SLC1A2: variants seen among roughly 807,000 people sequenced by gnomAD.
SLC1A2 encodes the protein excitatory amino acid transporter 2.
In SLC1A2, 15 loss-of-function variants were observed where a neutral mutation model predicts 48.8. The ratio of observed to expected loss-of-function variants is 0.31; its 90% CI spans 0.21 to 0.47. The LOEUF (loss-of-function observed/expected upper bound fraction) is 0.47, where lower values mean the gene tolerates loss of function less well. Among genes scored for constraint, SLC1A2 ranks in the 20% least tolerant of loss-of-function variants. The pLI, the probability that SLC1A2 is intolerant of heterozygous loss-of-function variation, is 0.99. For synonymous variants in SLC1A2, 279 were observed against 272.6 expected (o/e 1.02, Z -0.23); for missense variants, 502 against 730.5 (o/e 0.69, Z 3.61).
At chr11:35,322,730 C>T in intron 1 of SLC1A2, 1 of 1,017,986 alleles carries the variant, frequency 9.8e-7, no homozygotes, top group East Asian at 2.6e-5. Context: ...TCCCGTAAGA[C>T]AGTTGTTGTA....
chr11:35,332,630 A>G (rs1321066583), intron 1 of SLC1A2, among the ~76,000 whole-genome samples: 1 of 152,162 alleles, frequency 6.6e-6, no homozygotes, highest in Non-Finnish European at 1.5e-5. Context: ...GGACTCAAAT[A>G]TATTCTAGGG....
Position 35,255,189 on chromosome 11 carries a change from G to A in SLC1A2, c.*5705C>T, listed in dbSNP as rs1016131733. ...AATACCAACACTACTCTATTTAGCA[G>A]AAGTTTGGACAAACAGCAGAGGTGT... On this transcript the variant is annotated 3_prime_UTR_variant, in exon 11 of 11. Transcript: ENST00000278379. 1.5e-5 allele frequency: 3 copies of A among 203,022 alleles called. No individual in the cohort carries two copies. The highest frequency in any genetic ancestry group is 7.1e-5 in the African/African-American group (3 of 42,246). 12.6% of individuals were successfully genotyped at this position (203,022 alleles called of 1,614,324 possible). A position where few individuals can be genotyped will look rare whatever the true frequency, so the allele number is the denominator to read the frequency against.
At chr11:35,280,650 C>T (rs1850598584) in intron 9 of SLC1A2, 1 of 482,232 alleles carries the variant, frequency 2.1e-6, no homozygotes, top group Non-Finnish European at 3.7e-6. Flanking sequence ...CATAATCTCT[C>T]TGATTCCTCC....
At chr11:35,358,285 G>A (rs1807131984) in intron 1 of SLC1A2, among the ~76,000 whole-genome samples, 1 of 152,152 alleles carries the variant, frequency 6.6e-6, no homozygotes, top group South Asian at 2.1e-4. Flanking sequence ...GAAATTGCAG[G>A]TGATTTTTTT....
chr11:35,335,098 A>G (rs2135004991), intron 1 of SLC1A2, among the ~76,000 whole-genome samples: 1 of 152,194 alleles, frequency 6.6e-6, no homozygotes, highest in Non-Finnish European at 1.5e-5. Context: ...ATTCTTCAAT[A>G]TTTCTTTATT....
chr11:35,332,471 T>G lies in SLC1A2; in HGVS notation c.18-14955A>C, dbSNP rs145007145. 4.5e-3 allele frequency among the ~76,000 whole-genome samples: 681 copies of G among 152,384 alleles called. 7 individuals carry two copies. The highest frequency in any genetic ancestry group is 0.016 in the African/African-American group (661 of 41,588). On this transcript the variant is annotated intron_variant, in intron 1 of 10. Transcript: ENST00000278379. Reference sequence around the variant, plus strand: ...ACATCAAAGCAAGGAACATGTCCTGTTTTTATTTGAATCCTCTATATAATG... The same window carrying G: ...ACATCAAAGCAAGGAACATGTCCTGGTTTTATTTGAATCCTCTATATAATG...
chr11:35,382,702 A>T (rs1256205959), intron 1 of SLC1A2, among the ~76,000 whole-genome samples: 1 of 152,162 alleles, frequency 6.6e-6, no homozygotes, highest in East Asian at 1.9e-4. Context: ...AGGCTGAGGC[A>T]GGAGAATCAC....
chr11:35,371,244 T>C (rs1885347), intron 1 of SLC1A2: 168,582 of 176,900 alleles, frequency 0.95, 80,466 homozygotes, highest in East Asian at 1. Context: ...TTTATGAGCT[T>C]CCCTCATGAC....
chr11:35,415,226 C>G (rs542179754), intron 1 of SLC1A2, among the ~76,000 whole-genome samples: 1 of 152,136 alleles, frequency 6.6e-6, no homozygotes, highest in East Asian at 1.9e-4. Context: ...AATTGTGTTG[C>G]ATGGAAGAGG....
Position 35,257,906 on chromosome 11 carries a change from T to C in SLC1A2, c.*2988A>G, listed in dbSNP as rs1950335385. On this transcript the variant is annotated 3_prime_UTR_variant, in exon 11 of 11. Coordinates refer to ENST00000278379, the MANE Select transcript of SLC1A2 (RefSeq NM_004171.4). The stretch of plus-strand genomic sequence containing the variant: ...AATATAACATTTATGCATTATCAAA[T>C]AGTAACAGACTATTACAAGCATTCA... 1 of 152,226 alleles carries C rather than the reference T, an allele frequency of 6.6e-6. No individual in the cohort carries two copies. The highest frequency in any genetic ancestry group is 1.5e-5 in the Non-Finnish European group (1 of 68,034). 9.4% of individuals were successfully genotyped at this position (152,226 alleles called of 1,614,324 possible).
chr11:35,373,681 T>A (rs1854132121), intron 1 of SLC1A2, among the ~76,000 whole-genome samples: 1 of 152,164 alleles, frequency 6.6e-6, no homozygotes, highest in Admixed American at 6.5e-5. Context: ...CAGGAAGTGG[T>A]AGGGCTAATG....
At chr11:35,336,722 C>T (rs1453957336) in intron 1 of SLC1A2, among the ~76,000 whole-genome samples, 3 of 152,184 alleles carry the variant, frequency 2.0e-5, no homozygotes, top group Admixed American at 6.5e-5. Flanking sequence ...GGACTATGCT[C>T]AAGTAACTAG....
At chr11:35,305,464 T>C (rs1312379565) in intron 5 of SLC1A2, among the ~76,000 whole-genome samples, 1 of 152,114 alleles carries the variant, frequency 6.6e-6, no homozygotes, top group East Asian at 1.9e-4. Flanking sequence ...CCATACTGGA[T>C]CCAAACCCAG....
intron 7 of SLC1A2, among the ~76,000 whole-genome samples, chr11:35,287,699 C>T (rs1341776576): frequency 6.6e-6 from 1 of 152,184 alleles, no homozygotes; most frequent in Non-Finnish European, 1.5e-5. Flanking sequence ...ACCACATGAC[C>T]AAGCCTCGAA....
chr11:35,418,676 A>G lies in SLC1A2; in HGVS notation c.17+274T>C, dbSNP rs572957066. On this transcript the variant is annotated intron_variant, in intron 1 of 10. Coordinates refer to ENST00000278379, the MANE Select transcript of SLC1A2 (RefSeq NM_004171.4). ...AAATCCCAAAAGTAACCTCAAGAGG[A>G]TTTCTTCCTCACACTCTCAGGCCCC... 5 of 498,858 alleles carry G rather than the reference A, an allele frequency of 1.0e-5. No individual in the cohort carries two copies. In the South Asian group the frequency reaches 1.3e-4, roughly 13 times the overall value. The allele number at this position is 498,858 out of a possible 1,614,324, so 30.9% of individuals were successfully genotyped here. A position where few individuals can be genotyped will look rare whatever the true frequency, so the allele number is the denominator to read the frequency against.
rs2134583887 is a variant in SLC1A2, at chr11:35,260,003, A to G, written c.*891T>C. ...CAAAAAATAATCTTTTGGGTTAAAC[A>G]AAGCAAAACACATACCAAATAATCT... On this transcript the variant is annotated 3_prime_UTR_variant, in exon 11 of 11. Transcript: ENST00000278379. 6.6e-6 allele frequency: 1 copy of G among 152,374 alleles called. No homozygotes were observed. Among genetic ancestry groups the G allele is most frequent in the African/African-American group, 2.4e-5 (1 of 41,594 alleles). The allele number at this position is 152,374 out of a possible 1,614,324, so 9.4% of individuals were successfully genotyped here. A position where few individuals can be genotyped will look rare whatever the true frequency, so the allele number is the denominator to read the frequency against.
intron 1 of SLC1A2, among the ~76,000 whole-genome samples, chr11:35,351,229 A>G (rs1221478098): frequency 6.6e-6 from 1 of 152,254 alleles, no homozygotes; most frequent in Admixed American, 6.5e-5. Context: ...TTAGTGCCAG[A>G]GACAGAATCC....
chr11:35,337,297 G>A (rs1302414889), intron 1 of SLC1A2, among the ~76,000 whole-genome samples: 1 of 152,128 alleles, frequency 6.6e-6, no homozygotes, highest in Non-Finnish European at 1.5e-5. Flanking sequence ...ATGGCTGCCA[G>A]CATGCTAAGC....
chr11:35,285,691 G>C (rs1188707167), intron 8 of SLC1A2: 1 of 152,280 alleles, frequency 6.6e-6, no homozygotes, highest in Non-Finnish European at 1.5e-5. Flanking sequence ...AAGTAATAGG[G>C]AGCAGGGGAG....
Sources: allele counts gnomAD v4.1 joint callset (sites outside exome capture counted in the v4.1 genomes callset), GRCh38; gene constraint gnomAD v4.1.1; transcripts MANE v1.5; gene names NCBI Gene and HGNC (gene_info 2026-07-23, HGNC 2026-07-21).